NALF1: variants seen among roughly 807,000 people sequenced by gnomAD.
NALF1 encodes the protein NALCN channel auxiliary factor 1, also known as family with sequence similarity 155 member A.
NALF1 carries 3 observed loss-of-function variants against 48.4 expected under a neutral mutation model. The ratio of observed to expected loss-of-function variants is 0.06; its 90% CI spans 0.03 to 0.16. The LOEUF is 0.16. Among genes scored for constraint, NALF1 ranks in the 10% least tolerant of loss-of-function variants. The pLI, the probability that NALF1 is intolerant of heterozygous loss-of-function variation, is 1.00. For synonymous variants in NALF1, 262 were observed against 245.7 expected, an observed-to-expected ratio of 1.07 and a Z score of -0.62; for missense variants, 526 against 571.5, an observed-to-expected ratio of 0.92 and a Z score of 0.81.
chr13:107,865,713 T>C lies in NALF1; in HGVS notation c.884A>G (p.Tyr295Cys). The C allele has an allele frequency of 6.2e-7, 1 of 1,613,926 alleles. No individual in the cohort carries two copies. Among genetic ancestry groups the C allele is most frequent in the Non-Finnish European group, 8.5e-7 (1 of 1,179,968 alleles). The part of the protein sequence containing the change: ...VLHKYLQSEE[Y>C]SVKSCPEDCK... ...GTCTTCAGGACAGGATTTCACCGAG[T>C]ACTCCTCCGACTGTAAATATTTGTG... The change falls in exon 1 of 3, where the codon TAC (tyrosine) becomes TGC (cysteine). Residue 295 changes from tyrosine to cysteine, a missense_variant. Physicochemically the swap from Tyr to Cys is radical, Grantham distance 194 (BLOSUM62 -2). This residue lies in a region of NALF1 where 153 missense variants were observed against 215.9 expected (regional missense o/e 0.71). Transcript: ENST00000375915.
chr13:107,676,620 A>G lies in NALF1; in HGVS notation c.915+189062T>C, dbSNP rs947703908. On this transcript the variant is annotated intron_variant, in intron 1 of 2. Coordinates refer to ENST00000375915, the MANE Select transcript of NALF1 (RefSeq NM_001080396.3). ...TAATTTAATTTAATTAATTTAATTA[A>G]TTAAATTAAATTGTGTGTATCTTTA... Among the ~76,000 whole-genome samples the G allele has an allele frequency of 7.9e-5, 12 of 151,842 alleles. 1 individual carries two copies. In the East Asian group the frequency reaches 2.1e-3, roughly 27 times the overall value.
chr13:107,193,884 G>C (rs61691921), intron 2 of NALF1, among the ~76,000 whole-genome samples: 3,319 of 147,686 alleles, frequency 0.022, 138 homozygotes, highest in African/African-American at 0.079. Flanking sequence ...GCTAAAGCTA[G>C]AGTTGGAGCT....
At chr13:107,503,839 A>G (rs1875605050) in intron 1 of NALF1, among the ~76,000 whole-genome samples, 1 of 151,606 alleles carries the variant, frequency 6.6e-6, no homozygotes, top group African/African-American at 2.4e-5. Flanking sequence ...ATTTGCCACA[A>G]CAGTAGTAGA....
chr13:107,535,427 C>A (rs1021504136), intron 1 of NALF1, among the ~76,000 whole-genome samples: 1 of 151,880 alleles, frequency 6.6e-6, no homozygotes, highest in African/African-American at 2.4e-5. Flanking sequence ...TCTTATACAC[C>A]AATAACAGAC....
intron 1 of NALF1, among the ~76,000 whole-genome samples, chr13:107,484,102 T>C (rs925292020): frequency 2.0e-5 from 3 of 152,074 alleles, no homozygotes; most frequent in South Asian, 2.1e-4. Context: ...CAGATCACTA[T>C]AGCACAGTAC....
chr13:107,850,630 C>CGGTGA (rs1006805239), intron 1 of NALF1, among the ~76,000 whole-genome samples: 36 of 152,232 alleles, frequency 2.4e-4, no homozygotes, highest in African/African-American at 7.7e-4. Flanking sequence ...TGGCCAGGCA[C>CGGTGA]GGTGACTCAC....
At chr13:107,759,931 G>A (rs1299659127) in intron 1 of NALF1, among the ~76,000 whole-genome samples, 2 of 152,084 alleles carry the variant, frequency 1.3e-5, no homozygotes, top group Non-Finnish European at 2.9e-5. Flanking sequence ...TGAAACCAGA[G>A]CAGGTTATGA....
intron 1 of NALF1, among the ~76,000 whole-genome samples, chr13:107,256,491 T>C (rs1880817910): frequency 6.6e-6 from 1 of 152,232 alleles, no homozygotes; most frequent in African/African-American, 2.4e-5. Flanking sequence ...GCTTCATATA[T>C]GTAGCTGTTA....
intron 1 of NALF1, among the ~76,000 whole-genome samples, chr13:107,238,691 C>T (rs768953418): frequency 1.6e-4 from 24 of 152,174 alleles, no homozygotes; most frequent in Non-Finnish European, 2.9e-4. Context: ...AAGGAAAAGT[C>T]ACAGGAAAAT....
chr13:107,750,062 C>A (rs1876891428), intron 1 of NALF1, among the ~76,000 whole-genome samples: 1 of 152,188 alleles, frequency 6.6e-6, no homozygotes, highest in Non-Finnish European at 1.5e-5. Flanking sequence ...TCATGATCCA[C>A]CCGCCTCAGC....
Position 107,318,983 on chromosome 13 carries a change from A to C in NALF1, c.916-108228T>G, listed in dbSNP as rs568350419. On this transcript the variant is annotated intron_variant, in intron 1 of 2. Coordinates refer to ENST00000375915, the MANE Select transcript of NALF1 (RefSeq NM_001080396.3). Reference sequence around the variant, plus strand: ...AGACTCATCTTACATACATGTTTCTACATAGACGTATGATTGTCCAGAAAA... The same window carrying C: ...AGACTCATCTTACATACATGTTTCTCCATAGACGTATGATTGTCCAGAAAA... Among the ~76,000 whole-genome samples the C allele has an allele frequency of 2.6e-5, 4 of 152,232 alleles. No homozygotes were observed. In the East Asian group the frequency reaches 5.8e-4, roughly 22 times the overall value.
At chr13:107,419,553 GGA>G (rs1291506186) in intron 1 of NALF1, among the ~76,000 whole-genome samples, 1 of 152,188 alleles carries the variant, frequency 6.6e-6, no homozygotes, top group Admixed American at 6.5e-5. Flanking sequence ...CACCAGGTGA[GGA>G]TGCTGAGGCA....
At chr13:107,242,278 C>T (rs1880486770) in intron 1 of NALF1, among the ~76,000 whole-genome samples, 3 of 152,294 alleles carry the variant, frequency 2.0e-5, no homozygotes, top group East Asian at 1.9e-4. Flanking sequence ...TGCAAGCAGC[C>T]GAGTGTCCTC....
At chr13:107,397,981 A>C (rs554059439) in intron 1 of NALF1, among the ~76,000 whole-genome samples, 4 of 152,246 alleles carry the variant, frequency 2.6e-5, no homozygotes, top group African/African-American at 9.6e-5. Context: ...GTACAGATGA[A>C]CTTGTCTGAT....
intron 1 of NALF1, among the ~76,000 whole-genome samples, chr13:107,311,470 T>G (rs1003070098): frequency 2.7e-4 from 41 of 152,188 alleles, no homozygotes; most frequent in African/African-American, 9.1e-4. Context: ...AGAGGTTTAC[T>G]GGCTTAGATG....
chr13:107,651,460 T>G lies in NALF1; in HGVS notation c.915+214222A>C, dbSNP rs185888953. ...CCTAGAGACTTGAGTTGCCTCTTTT[T>G]GTGAGGGTTGGGAGTTCTCTGAAAT... is the stretch of plus-strand genomic sequence containing the variant. On this transcript the variant is annotated intron_variant, in intron 1 of 2. Transcript: ENST00000375915. 1.1e-4 allele frequency among the ~76,000 whole-genome samples: 17 copies of G among 152,368 alleles called. No individual in the cohort carries two copies. In the East Asian group the frequency reaches 3.3e-3, roughly 29 times the overall value.
intron 1 of NALF1, among the ~76,000 whole-genome samples, chr13:107,404,584 A>C (rs992547664): frequency 6.6e-6 from 1 of 152,152 alleles, no homozygotes; most frequent in Non-Finnish European, 1.5e-5. Context: ...AATTGTAGGG[A>C]ACAAATTTGG....
intron 1 of NALF1, among the ~76,000 whole-genome samples, chr13:107,232,198 G>A (rs1250771927): frequency 6.6e-6 from 1 of 152,190 alleles, no homozygotes; most frequent in African/African-American, 2.4e-5. Flanking sequence ...AATTAGGTAG[G>A]TAAGGGCATG....
intron 1 of NALF1, among the ~76,000 whole-genome samples, chr13:107,340,524 C>CTT (rs199696880): frequency 1.4e-5 from 2 of 144,020 alleles, no homozygotes; most frequent in African/African-American, 5.1e-5. Flanking sequence ...CTTTCTCTCT[C>CTT]TTTTTTTTTT....
Sources: allele counts gnomAD v4.1 joint callset (sites outside exome capture counted in the v4.1 genomes callset), GRCh38; gene constraint gnomAD v4.1.1; regional missense constraint gnomAD v4.1.1; transcripts MANE v1.5; gene names NCBI Gene and HGNC (gene_info 2026-07-23, HGNC 2026-07-21).